MED22: variants seen among roughly 807,000 people sequenced by gnomAD.
MED22 encodes mediator of RNA polymerase II transcription subunit 22.
MED22 carries 22 observed loss-of-function variants against 22.7 expected under a neutral mutation model. The observed-to-expected ratio is 0.97, with a 90% CI of 0.69 to 1.38. The LOEUF is 1.38. MED22 is among the 40% of genes most tolerant of loss of function. The pLI is 0.00. For synonymous variants in MED22, 134 were observed against 119.4 expected (o/e 1.12, Z -0.80); for missense variants, 247 against 263.0 (o/e 0.94, Z 0.42).
rs2129958321 is a variant in MED22 at position 133,343,873 on chromosome 9, G to A, written c.413+252C>T. 32 of 1,417,600 alleles carry A rather than the reference G, an allele frequency of 2.3e-5. No homozygotes were observed. In the East Asian group the frequency reaches 3.8e-4, roughly 17 times the overall value. The allele number at this position is 1,417,600 out of a possible 1,614,324, so 87.8% of individuals were successfully genotyped here. A position where few individuals can be genotyped will look rare whatever the true frequency, so the allele number is the denominator to read the frequency against. On this transcript the variant is annotated intron_variant, in intron 4 of 4. Transcript: ENST00000343730. ...CCAGGCGCCTCCCTTCTCCAGACTCGGCCTATCCGACTGGCGTGAGTCCTG... is the reference window on the plus strand; with the variant it reads ...CCAGGCGCCTCCCTTCTCCAGACTCAGCCTATCCGACTGGCGTGAGTCCTG...
chr9:133,339,347 G>C lies in MED22; in HGVS notation c.*2158C>G. On this transcript the variant is annotated 3_prime_UTR_variant, in exon 5 of 5. Coordinates refer to ENST00000343730, the MANE Select transcript of MED22 (RefSeq NM_133640.5). ...ATCAGAAAAAGAGGGAAGCCAAAGAGAAAGGTACCTGGATTCAACTGAAGC... is the reference window on the plus strand; with the variant it reads ...ATCAGAAAAAGAGGGAAGCCAAAGACAAAGGTACCTGGATTCAACTGAAGC... 1.4e-6 allele frequency: 1 copy of C among 729,092 alleles called. No individual in the cohort carries two copies. The highest frequency in any genetic ancestry group is 1.4e-5 in the South Asian group (1 of 73,428). The allele number at this position is 729,092 out of a possible 1,614,324, so 45.2% of individuals were successfully genotyped here.
chr9:133,341,479 T>C lies in MED22; in HGVS notation c.*26A>G, dbSNP rs2129948374. On this transcript the variant is annotated 3_prime_UTR_variant, in exon 5 of 5. Transcript: ENST00000343730. ...AAAGGGCTGCCTCAGGTTTTGTTCC[T>C]GAGAACGAAGCGTGGCCCCGGAGGC... 1 of 1,466,938 alleles carries C rather than the reference T, an allele frequency of 6.8e-7. No homozygotes were observed. Among genetic ancestry groups the C allele is most frequent in the Non-Finnish European group, 9.0e-7 (1 of 1,116,852 alleles). 90.9% of individuals were successfully genotyped at this position (1,466,938 alleles called of 1,614,324 possible). A position where few individuals can be genotyped will look rare whatever the true frequency, so the allele number is the denominator to read the frequency against.
At chr9:133,343,063 G>A (rs891654214) in intron 4 of MED22, 3 of 991,986 alleles carry the variant, frequency 3.0e-6, no homozygotes, top group Non-Finnish European at 3.6e-6. Flanking sequence ...TGTCTGCTGA[G>A]TTAATGAGTA....
Position 133,344,294 on chromosome 9 carries a change from G to A in MED22, c.244C>T (p.Leu82Phe). 1 of 1,614,194 alleles carries A rather than the reference G, an allele frequency of 6.2e-7. No individual in the cohort carries two copies. Among genetic ancestry groups the A allele is most frequent in the Non-Finnish European group, 8.5e-7 (1 of 1,180,042 alleles). Residue 82 changes from leucine (L) to phenylalanine (F), a missense_variant, in exon 4 of 5, where the codon CTC becomes TTC. Transcript: ENST00000343730. ...TCATTGAGGATCAGGAACTGCTTGA[G>A]GTCGGACACCAGCTTCATCAGGGAC... ...GESLMKLVSDLKQFLILNDFP... is the reference protein window; with the variant it reads ...GESLMKLVSDFKQFLILNDFP...
At chr9:133,345,148 G>T in intron 3 of MED22, 24 bp downstream of exon 3, 2 of 1,610,572 alleles carry the variant, frequency 1.2e-6, no homozygotes. Context: ...AGCCCAGGCC[G>T]TGCCCTCCAC....
At position 133,338,391 on chromosome 9, in the gene MED22, C is replaced by T. The variant is rs2129940514; in HGVS notation, c.*3114G>A. The T allele has an allele frequency of 0.053, 8,197 of 153,808 alleles. 681 individuals carry two copies. Among genetic ancestry groups the T allele is most frequent in the African/African-American group, 0.18 (7,436 of 41,468 alleles). The allele number at this position is 153,808 out of a possible 1,614,324, so 9.5% of individuals were successfully genotyped here. The stretch of plus-strand genomic sequence containing the variant: ...CCCGATCTCGGCTCACTGCAACCTC[C>T]GCCTCCCGGGTTCAAGCGATTCTCC... On this transcript the variant is annotated 3_prime_UTR_variant, in exon 5 of 5. Transcript: ENST00000343730.
chr9:133,343,872 C>T (rs1319421265), intron 4 of MED22: 123 of 1,419,472 alleles, frequency 8.7e-5, no homozygotes, highest in Non-Finnish European at 1.1e-4. Flanking sequence ...TCTCCAGACT[C>T]GGCCTATCCG....
rs1426112773 is a variant in MED22 at position 133,341,157 on chromosome 9, T to A, written c.*348A>T. On this transcript the variant is annotated 3_prime_UTR_variant, in exon 5 of 5. Coordinates refer to ENST00000343730, the MANE Select transcript of MED22 (RefSeq NM_133640.5). ...GCCCCTCCCAACTCTGACAACAGGCTCGGGTCAGGACTCCCCGAAATCAGG... is the reference window on the plus strand; with the variant it reads ...GCCCCTCCCAACTCTGACAACAGGCACGGGTCAGGACTCCCCGAAATCAGG... 3 of 200,092 alleles carry A rather than the reference T, an allele frequency of 1.5e-5. No homozygotes were observed. The highest frequency in any genetic ancestry group is 7.0e-5 in the African/African-American group (3 of 42,906). 12.4% of individuals were successfully genotyped at this position (200,092 alleles called of 1,614,324 possible).
intron 4 of MED22, chr9:133,342,342 C>G: frequency 1.0e-6 from 1 of 986,110 alleles, no homozygotes; most frequent in Non-Finnish European, 1.2e-6. Context: ...ACGCTCGCCT[C>G]TTTCTAACCT....
At chr9:133,346,909 G>T (rs1291957232) in intron 1 of MED22, among the ~76,000 whole-genome samples, 1 of 152,128 alleles carries the variant, frequency 6.6e-6, no homozygotes, top group Middle Eastern at 3.2e-3. Context: ...GCTCATCCTG[G>T]AACTCCTGGC....
rs2129949590 is a variant in MED22, at chr9:133,341,613, G to A, written c.495C>T (p.Gly165=). ...GGGACGCCAGCAGAGGGGCCGAGAG[G>A]CCATCAGCAGAGTCTGTGTCGAGGT... The part of the protein sequence containing the change: ...RLDLDTDSAD[G]LSAPLLASPE... Residue 165 remains glycine, a synonymous_variant, in exon 5 of 5, where the codon GGC becomes GGT. Transcript: ENST00000343730. 1 of 1,596,896 alleles carries A rather than the reference G, an allele frequency of 6.3e-7. No individual in the cohort carries two copies. Among genetic ancestry groups the A allele is most frequent in the South Asian group, 1.1e-5 (1 of 88,506 alleles).
In MED22 at chr9:133,344,204, A is replaced by G. The variant is rs2129960422; in HGVS notation, c.334T>C (p.Cys112Arg). 9.3e-6 allele frequency: 15 copies of G among 1,613,822 alleles called. No individual in the cohort carries two copies. The highest frequency in any genetic ancestry group is 4.0e-5 in the African/African-American group (3 of 74,814). The part of the protein sequence containing the change: ...NQQLRTLQEE[C>R]DRKLITLRDE... ...CGCAGCGTGATGAGCTTCCGGTCGC[A>G]CTCCTCCTGCAGTGTGCGCAGCTGC... Residue 112 changes from cysteine to arginine, a missense_variant, in exon 4 of 5, where the codon TGC becomes CGC. Transcript: ENST00000343730.
chr9:133,345,117 T>G, intron 3 of MED22, 55 bp downstream of exon 3: 3 of 1,578,098 alleles, frequency 1.9e-6, no homozygotes, highest in Non-Finnish European at 2.6e-6. Flanking sequence ...CCAGGAAACC[T>G]GAGGGGACTG....
chr9:133,342,102 A>G (rs944775279), intron 4 of MED22: 40 of 1,049,354 alleles, frequency 3.8e-5, no homozygotes, highest in Non-Finnish European at 4.4e-5. Flanking sequence ...TACACTGCAA[A>G]GAGCTCTCTG....
chr9:133,347,959 G>T lies in MED22; in HGVS notation c.-76C>A. Reference sequence around the variant, plus strand: ...CCGCACACCAGACGCCGCGTCCGCCGGGTCGGCCTAGGGCGGGGTGGTCAA... The same window carrying T: ...CCGCACACCAGACGCCGCGTCCGCCTGGTCGGCCTAGGGCGGGGTGGTCAA... On this transcript the variant is annotated 5_prime_UTR_variant, in exon 1 of 5. Coordinates refer to ENST00000343730, the MANE Select transcript of MED22 (RefSeq NM_133640.5). 1 of 292,090 alleles carries T rather than the reference G, an allele frequency of 3.4e-6. No homozygotes were observed. 18.1% of individuals were successfully genotyped at this position (292,090 alleles called of 1,614,324 possible).
At position 133,339,773 on chromosome 9, in the gene MED22, T is replaced by C. The variant is rs1835964454; in HGVS notation, c.*1732A>G. The stretch of plus-strand genomic sequence containing the variant: ...GTGACCTTAATAGGTGTAGTTTTGC[T>C]AGAGTCATGGAGACAAAACCTGTCT... On this transcript the variant is annotated 3_prime_UTR_variant, in exon 5 of 5. Coordinates refer to ENST00000343730, the MANE Select transcript of MED22 (RefSeq NM_133640.5). 5.3e-6 allele frequency: 1 copy of C among 189,032 alleles called. No homozygotes were observed. Among genetic ancestry groups the C allele is most frequent in the Non-Finnish European group, 1.1e-5 (1 of 91,484 alleles). 11.7% of individuals were successfully genotyped at this position (189,032 alleles called of 1,614,324 possible). A position where few individuals can be genotyped will look rare whatever the true frequency, so the allele number is the denominator to read the frequency against.
intron 4 of MED22, chr9:133,343,370 T>C (rs1454742299): frequency 1.6e-6 from 2 of 1,230,366 alleles, no homozygotes; most frequent in African/African-American, 1.6e-5. Context: ...CAGCCTAAGT[T>C]TCCCCCTAAG....
chr9:133,338,838 C>A lies in MED22; in HGVS notation c.*2667G>T, dbSNP rs909136736. On this transcript the variant is annotated 3_prime_UTR_variant, in exon 5 of 5. Transcript: ENST00000343730. Reference sequence around the variant, plus strand: ...AAGTGATCCACCCGCTTTGGCTTCTCAAAGTGCTGGGATTACAGCAGGAGC... The same window carrying A: ...AAGTGATCCACCCGCTTTGGCTTCTAAAAGTGCTGGGATTACAGCAGGAGC... The A allele has an allele frequency of 1.0e-5, 4 of 398,308 alleles. No individual in the cohort carries two copies. The highest frequency in any genetic ancestry group is 8.3e-5 in the African/African-American group (4 of 48,022). 24.7% of individuals were successfully genotyped at this position (398,308 alleles called of 1,614,324 possible).
At chr9:133,346,247 G>T (rs1461075878) in intron 2 of MED22, among the ~76,000 whole-genome samples, 1 of 152,096 alleles carries the variant, frequency 6.6e-6, no homozygotes, top group Non-Finnish European at 1.5e-5. Flanking sequence ...CTCATTGGCT[G>T]TGTGCCAGGC....
Sources: gnomAD v4.1 joint callset for allele counts (sites outside exome capture counted in the v4.1 genomes callset) on GRCh38, gnomAD v4.1.1 for gene constraint, MANE v1.5 for transcripts, NCBI Gene and HGNC (gene_info 2026-07-23, HGNC 2026-07-21) for gene names.